Variants in DOCK10 observed in about 807,000 individuals in gnomAD.
DOCK10 encodes the protein dedicator of cytokinesis protein 10.
A neutral mutation model predicts 280.1 loss-of-function variants in DOCK10; 145 were observed. The ratio of observed to expected loss-of-function variants is 0.52; its 90% confidence interval spans 0.45 to 0.59. The LOEUF (loss-of-function observed/expected upper bound fraction) is 0.59. DOCK10 is among the 20% of genes least tolerant of loss of function. The pLI, the probability that DOCK10 is intolerant of heterozygous loss-of-function variation, is 0.00. For missense variants in DOCK10, 2,368 were observed against 2,651.7 expected (o/e 0.89, Z 2.35); for synonymous variants, 915 against 942.2 (o/e 0.97, Z 0.53).
Position 224,961,412 on chromosome 2 carries a change from C to CTTTCTTTCTTTCTTTCTTTCTT in DOCK10, c.124-29745_124-29744insAAGAAAGAAAGAAAGAAAGAAA, listed in dbSNP as rs57668925. 9.0e-3 allele frequency among the ~76,000 whole-genome samples: 1,077 copies of CTTTCTTTCTTTCTTTCTTTCTT among 119,450 alleles called. 34 individuals carry two copies. Among genetic ancestry groups the CTTTCTTTCTTTCTTTCTTTCTT allele is most frequent in the Middle Eastern group, 0.022 (5 of 224 alleles). The allele number at this position is 119,450 out of a possible 152,430, so 78.4% of individuals were successfully genotyped here. A position where few individuals can be genotyped will look rare whatever the true frequency, so the allele number is the denominator to read the frequency against. ...ATAGCAGCATTTTCTTTCTTTCTTT[C>CTTTCTTTCTTTCTTTCTTTCTT]TCTTTCTTTCTTTCTTTCTTTCTTT... On this transcript the variant is annotated intron_variant, in intron 1 of 55. Transcript: ENST00000258390.
At chr2:225,007,141 T>C (rs933636344) in intron 1 of DOCK10, among the ~76,000 whole-genome samples, 1 of 152,198 alleles carries the variant, frequency 6.6e-6, no homozygotes, top group Non-Finnish European at 1.5e-5. Context: ...AAAAGGTGGT[T>C]AGCAGGTACT....
At chr2:224,940,478 A>T (rs576333310) in intron 1 of DOCK10, among the ~76,000 whole-genome samples, 7 of 152,206 alleles carry the variant, frequency 4.6e-5, no homozygotes, top group African/African-American at 1.7e-4. Context: ...TTAGCTAATG[A>T]CTTCTGTCTT....
chr2:224,988,912 C>T (rs142728957), intron 1 of DOCK10, among the ~76,000 whole-genome samples: 1 of 152,244 alleles, frequency 6.6e-6, no homozygotes, highest in East Asian at 1.9e-4. Context: ...GTAATGGGCT[C>T]CCTTTATCAT....
chr2:224,813,248 T>G (rs1693903742), intron 31 of DOCK10, among the ~76,000 whole-genome samples: 1 of 152,194 alleles, frequency 6.6e-6, no homozygotes, highest in African/African-American at 2.4e-5. Context: ...CAGGCTGGAG[T>G]GCAGTGGCAC....
intron 7 of DOCK10, among the ~76,000 whole-genome samples, chr2:224,883,000 A>C (rs1486186348): frequency 2.0e-5 from 3 of 152,224 alleles, no homozygotes; most frequent in Non-Finnish European, 4.4e-5. Context: ...GCCTCTACAA[A>C]GGATGTAGAG....
chr2:224,890,437 C>G (rs1699591069), intron 4 of DOCK10, among the ~76,000 whole-genome samples: 1 of 152,078 alleles, frequency 6.6e-6, no homozygotes. Context: ...TTTCACAAAT[C>G]TCCCAGTTGA....
At chr2:225,004,037 C>T (rs188162097) in intron 1 of DOCK10, among the ~76,000 whole-genome samples, 2 of 152,290 alleles carry the variant, frequency 1.3e-5, no homozygotes, top group East Asian at 3.9e-4. Context: ...AGCATTTTCT[C>T]GTTTCGTTTT....
intron 1 of DOCK10, among the ~76,000 whole-genome samples, chr2:224,940,683 A>G (rs1188664425): frequency 6.6e-6 from 1 of 152,186 alleles, no homozygotes; most frequent in African/African-American, 2.4e-5. Context: ...CATTCAACCC[A>G]TCACTCTCCT....
intron 1 of DOCK10, among the ~76,000 whole-genome samples, chr2:225,031,664 TCTG>T (rs1334946230): frequency 6.6e-6 from 1 of 152,210 alleles, no homozygotes; most frequent in Non-Finnish European, 1.5e-5. Flanking sequence ...AGTTCAAACT[TCTG>T]CTCATGTATG....
At chr2:224,801,237 T>C (rs1454169965) in intron 40 of DOCK10, among the ~76,000 whole-genome samples, 1 of 142,320 alleles carries the variant, frequency 7.0e-6, no homozygotes, top group African/African-American at 2.7e-5. Context: ...GAATGCAAAA[T>C]TTTCCCCACA....
In DOCK10 at chr2:224,983,252, T is replaced by C. The variant is rs538581309; in HGVS notation, c.124-51584A>G. ...TGGTAGTTAAGAGTCTGGTATTCCC[T>C]GACTCCTGCGAGACTAGTCACTTAG... On this transcript the variant is annotated intron_variant, in intron 1 of 55. Transcript: ENST00000258390. Among the ~76,000 whole-genome samples the C allele has an allele frequency of 7.9e-5, 12 of 152,316 alleles. No homozygotes were observed. In the South Asian group the frequency reaches 2.3e-3, roughly 29 times the overall value.
chr2:224,956,308 G>C (rs1030077755), intron 1 of DOCK10, among the ~76,000 whole-genome samples: 4 of 152,162 alleles, frequency 2.6e-5, no homozygotes, highest in African/African-American at 9.7e-5. Flanking sequence ...CATTTGGGGG[G>C]TTTAGTAATC....
chr2:224,770,521 AC>A lies in DOCK10; in HGVS notation c.6305+23del. On this transcript the variant is annotated intron_variant, in intron 54 of 55. Coordinates refer to ENST00000258390, the MANE Select transcript of DOCK10 (RefSeq NM_014689.3). This position sits in a 1 kb window ranked among gnomAD's most constrained non-coding sequence, Gnocchi z 4.5. ...CCTGTCTCAGGAAGTTCAAGGAAGA[AC>A]ATCCCAACAGCGAGAAGCTTACCTG... The A allele has an allele frequency of 1.9e-6, 3 of 1,603,488 alleles. No individual in the cohort carries two copies. Among genetic ancestry groups the A allele is most frequent in the Non-Finnish European group, 2.6e-6 (3 of 1,170,398 alleles).
chr2:224,879,873 A>C (rs1698876509), intron 7 of DOCK10, among the ~76,000 whole-genome samples: 1 of 152,216 alleles, frequency 6.6e-6, no homozygotes, highest in Non-Finnish European at 1.5e-5. Context: ...TGATTATAGA[A>C]AAATGCAAGC....
intron 1 of DOCK10, among the ~76,000 whole-genome samples, chr2:224,998,654 G>C (rs1706342719): frequency 6.6e-6 from 1 of 152,046 alleles, no homozygotes; most frequent in Non-Finnish European, 1.5e-5. Context: ...TTTGGCTAAA[G>C]CATTCTTTCA....
intron 1 of DOCK10, among the ~76,000 whole-genome samples, chr2:224,975,434 A>G (rs1294984525): frequency 6.6e-6 from 1 of 152,224 alleles, no homozygotes; most frequent in East Asian, 1.9e-4. Flanking sequence ...TAATATTCAT[A>G]TATTCAAGAT....
chr2:224,845,786 CG>C (rs1357434649), intron 19 of DOCK10, 144 bp from the exon 20 acceptor site: 1 of 734,014 alleles, frequency 1.4e-6, no homozygotes, highest in Admixed American at 2.7e-5. Context: ...TGCAATGGCA[CG>C]ATCTAGGCTC....
At chr2:224,950,333 G>T (rs770871214) in intron 1 of DOCK10, among the ~76,000 whole-genome samples, 1 of 152,184 alleles carries the variant, frequency 6.6e-6, no homozygotes, top group African/African-American at 2.4e-5. Flanking sequence ...CTGGATGCTG[G>T]TCTAAATTTT....
intron 1 of DOCK10, among the ~76,000 whole-genome samples, chr2:225,019,139 C>T (rs1178830157): frequency 6.6e-6 from 1 of 152,016 alleles, no homozygotes; most frequent in Non-Finnish European, 1.5e-5. Flanking sequence ...CAGAAAACAG[C>T]CTCATGGGTT....
Sources: allele counts gnomAD v4.1 joint callset (sites outside exome capture counted in the v4.1 genomes callset), GRCh38; gene constraint gnomAD v4.1.1; non-coding constraint Gnocchi (gnomAD v3.1); transcripts MANE v1.5; gene names NCBI Gene and HGNC (gene_info 2026-07-23, HGNC 2026-07-21).